The following ABCA4 variants were observed in gnomAD, a reference collection of about 807,000 sequenced individuals.
ABCA4 encodes retinal-specific phospholipid-transporting ATPase ABCA4.
ABCA4 carries 196 observed loss-of-function variants against 263.7 expected under a neutral mutation model. The observed-to-expected ratio is 0.74, with a 90% CI of 0.66 to 0.84. The LOEUF is 0.84. ABCA4 is among the 40% of genes least tolerant of loss of function. The pLI, the probability that ABCA4 is intolerant of heterozygous loss-of-function variation, is 0.00. For synonymous variants in ABCA4, 1,133 were observed against 1,094.2 expected (o/e 1.04, Z -0.70); for missense variants, 2,792 against 2,855.1 (o/e 0.98, Z 0.50).
intron 26 of ABCA4, among the ~76,000 whole-genome samples, chr1:94,033,827 T>C (rs887222903): frequency 6.6e-6 from 1 of 152,116 alleles, no homozygotes; most frequent in Non-Finnish European, 1.5e-5. Context: ...AGAGCCCCAG[T>C]TCTGCAGGCT....
chr1:94,007,309 A>G (rs1398230027), intron 43 of ABCA4, among the ~76,000 whole-genome samples: 2 of 150,560 alleles, frequency 1.3e-5, no homozygotes, highest in African/African-American at 4.9e-5. Context: ...GTGCATTTTT[A>G]TAGGAATAGG....
intron 29 of ABCA4, 71 bp from the exon 30 acceptor site, chr1:94,029,702 T>C: frequency 6.9e-7 from 1 of 1,445,090 alleles, no homozygotes; most frequent in South Asian, 1.2e-5. Flanking sequence ...CATAAGAAAT[T>C]GTGCCCAACC....
intron 20 of ABCA4, 21 bp from the exon 21 acceptor site, chr1:94,043,496 G>A (rs778002503): frequency 1.2e-6 from 2 of 1,614,078 alleles, no homozygotes; most frequent in Non-Finnish European, 8.5e-7. Flanking sequence ...GGGACAACGA[G>A]AAAAGCAGTG....
chr1:94,097,060 A>G (rs1312199829), intron 6 of ABCA4, among the ~76,000 whole-genome samples: 1 of 152,228 alleles, frequency 6.6e-6, no homozygotes, highest in African/African-American at 2.4e-5. Context: ...TCTGATTCTG[A>G]AAACAAGTCA....
At chr1:94,116,166 G>A (rs1024437787) in intron 1 of ABCA4, among the ~76,000 whole-genome samples, 8 of 152,152 alleles carry the variant, frequency 5.3e-5, no homozygotes, top group African/African-American at 1.9e-4. Context: ...GAGTAGGGGA[G>A]GGATCAGCAC....
At chr1:94,120,928 C>A in intron 1 of ABCA4, 52 bp downstream of exon 1, 16 of 794,504 alleles carry the variant, frequency 2.0e-5, no homozygotes, top group East Asian at 5.0e-5. Flanking sequence ...ACACTTCCAA[C>A]CTGTTTATTT....
chr1:94,096,944 C>T (rs1009978316), intron 6 of ABCA4, among the ~76,000 whole-genome samples: 3 of 152,200 alleles, frequency 2.0e-5, no homozygotes, highest in African/African-American at 2.4e-5. Flanking sequence ...GCCCTGGACA[C>T]CTGAGAGGGA....
intron 11 of ABCA4, among the ~76,000 whole-genome samples, chr1:94,070,674 A>G (rs1661377818): frequency 6.6e-6 from 1 of 152,104 alleles, no homozygotes; most frequent in African/African-American, 2.4e-5. Context: ...CAGGGAAGGG[A>G]ATGGTGCACA....
At chr1:94,045,117 G>T (rs2297633) in intron 19 of ABCA4, among the ~76,000 whole-genome samples, 37,201 of 152,218 alleles carry the variant, frequency 0.24, 5,488 homozygotes, top group Non-Finnish European at 0.33. Flanking sequence ...GACTCGAGGC[G>T]TTGCCTCCTG....
intron 6 of ABCA4, among the ~76,000 whole-genome samples, chr1:94,090,474 C>T (rs1661940651): frequency 6.6e-6 from 1 of 152,096 alleles, no homozygotes; most frequent in African/African-American, 2.4e-5. Context: ...ACCAACCCAC[C>T]CTGTCTCACC....
chr1:94,040,087 C>A lies in ABCA4; in HGVS notation c.3563G>T (p.Cys1188Phe). 1.2e-6 allele frequency: 2 copies of A among 1,610,274 alleles called. No homozygotes were observed. Among genetic ancestry groups the A allele is most frequent in the Non-Finnish European group, 1.7e-6 (2 of 1,178,206 alleles). The change falls in exon 24 of 50, where the codon TGT (cysteine) becomes TTT (phenylalanine). Residue 1188 changes from cysteine (C) to phenylalanine (F), a missense_variant. Coordinates refer to ENST00000370225, the MANE Select transcript of ABCA4 (RefSeq NM_000350.3). ...AGTTAGGTCATCGACGTGGGCTGGA[C>A]ACGTGGTGGAGAAACCCTTAGACGA... ...SCSSKGFSTT[C>F]PAHVDDLTPE... is the part of the protein sequence containing the mutation.
At chr1:94,003,300 C>G (rs1458039702) in intron 44 of ABCA4, among the ~76,000 whole-genome samples, 1 of 151,596 alleles carries the variant, frequency 6.6e-6, no homozygotes, top group Non-Finnish European at 1.5e-5. Context: ...GAGATATTTC[C>G]ATAGCTCTTT....
intron 2 of ABCA4, among the ~76,000 whole-genome samples, chr1:94,111,982 G>T (rs574001449): frequency 6.6e-6 from 1 of 152,356 alleles, no homozygotes; most frequent in Admixed American, 6.5e-5. Context: ...CCCCAAGCAT[G>T]CAGTAGGGCT....
At chr1:94,020,809 C>T (rs1659875997) in intron 35 of ABCA4, among the ~76,000 whole-genome samples, 1 of 152,228 alleles carries the variant, frequency 6.6e-6, no homozygotes, top group African/African-American at 2.4e-5. Flanking sequence ...AGAAGAGCCT[C>T]AGCTTGAGGG....
chr1:94,119,901 A>G (rs1662900955), intron 1 of ABCA4, among the ~76,000 whole-genome samples: 1 of 151,994 alleles, frequency 6.6e-6, no homozygotes, highest in South Asian at 2.1e-4. Context: ...CTTCTCGCCT[A>G]AAGCAGGTCT....
intron 19 of ABCA4, among the ~76,000 whole-genome samples, chr1:94,046,568 A>G (rs4529714): frequency 0.97 from 147,054 of 151,916 alleles, 71,326 homozygotes; most frequent in East Asian, 1. Flanking sequence ...TGGACTGTTG[A>G]GATGGGGGGA....
In ABCA4 at chr1:94,044,597, T is replaced by TTCC. The variant is rs1557779301; in HGVS notation, c.3050+13_3050+15dup. On this transcript the variant is annotated intron_variant, in intron 20 of 49. Coordinates refer to ENST00000370225, the MANE Select transcript of ABCA4 (RefSeq NM_000350.3). Reference sequence around the variant, plus strand: ...AGGAGAGGGGATGGGGCGGTCTCAGTTCCTGTGTCGCTTACTGGTGGAACA... The same window carrying TTCC: ...AGGAGAGGGGATGGGGCGGTCTCAGTTCCTCCTGTGTCGCTTACTGGTGGAACA... 1 of 1,614,174 alleles carries TTCC rather than the reference T, an allele frequency of 6.2e-7. No homozygotes were observed. Among genetic ancestry groups the TTCC allele is most frequent in the Non-Finnish European group, 8.5e-7 (1 of 1,180,008 alleles).
At chr1:94,079,180 G>T (rs1661618402) in intron 9 of ABCA4, 142 bp downstream of exon 9, 2 of 1,224,294 alleles carry the variant, frequency 1.6e-6, no homozygotes, top group Non-Finnish European at 2.4e-6. Context: ...TGTGGATGGG[G>T]GAGGAAACGC....
Position 94,040,119 on chromosome 1 carries a change from G to A in ABCA4, c.3531C>T (p.Cys1177=). Residue 1177 remains cysteine (C), a synonymous_variant, in exon 24 of 50, where the codon TGC becomes TGT. Transcript: ENST00000370225. ...TGGAGAAACCCTTAGACGAGCAGCT[G>A]CAGGTCCCCTGCAACAGATGGATGG... The part of the protein sequence containing the change: ...QSQRKGSEGT[C]SCSSKGFSTT... The A allele has an allele frequency of 6.2e-7, 1 of 1,607,650 alleles. No homozygotes were observed. The highest frequency in any genetic ancestry group is 8.5e-7 in the Non-Finnish European group (1 of 1,176,616).
Sources: allele counts gnomAD v4.1 joint callset (sites outside exome capture counted in the v4.1 genomes callset), GRCh38; gene constraint gnomAD v4.1.1; transcripts MANE v1.5; gene names NCBI Gene and HGNC (gene_info 2026-07-23, HGNC 2026-07-21).